The following CORIN variants were observed in gnomAD, a reference collection of about 807,000 sequenced individuals.
The protein encoded by CORIN is atrial natriuretic peptide-converting enzyme.
Under a neutral mutation model 125.3 loss-of-function variants are expected in CORIN, and 117 were observed. The ratio of observed to expected loss-of-function variants is 0.93; its 90% confidence interval spans 0.80 to 1.09. The LOEUF is 1.09. CORIN is among the 50% of genes least tolerant of loss of function. The probability of loss-of-function intolerance (pLI) is 0.00; values close to 1 mark genes in which losing one functional copy is unlikely to be tolerated. For synonymous variants in CORIN, 450 were observed against 466.4 expected (o/e 0.96, Z 0.45); for missense variants, 1,253 against 1,306.7 (o/e 0.96, Z 0.63).
chr4:47,683,636 C>T, intron 7 of CORIN, 95 bp downstream of exon 7: 1 of 834,542 alleles, frequency 1.2e-6, no homozygotes, highest in South Asian at 1.8e-5. Flanking sequence ...GTAATTTAAA[C>T]TGCTAATCAT....
intron 5 of CORIN, among the ~76,000 whole-genome samples, chr4:47,725,336 C>A (rs1049040939): frequency 1.3e-5 from 2 of 151,634 alleles, no homozygotes; most frequent in African/African-American, 2.4e-5. Context: ...TGAGACATAA[C>A]ACAGTGGAAA....
intron 5 of CORIN, among the ~76,000 whole-genome samples, chr4:47,714,174 AC>A (rs568758604): frequency 2.2e-4 from 34 of 152,348 alleles, no homozygotes; most frequent in South Asian, 1.0e-3. Context: ...TAAAAGAAAT[AC>A]AGTATTGTGC....
chr4:47,635,587 A>G (rs1722989556), intron 16 of CORIN, among the ~76,000 whole-genome samples: 1 of 152,192 alleles, frequency 6.6e-6, no homozygotes, highest in African/African-American at 2.4e-5. Context: ...GCAAGTGGAG[A>G]ATACTAGGAT....
At chr4:47,608,120 AGGCCAGCCT>A (rs1255352357) in intron 19 of CORIN, among the ~76,000 whole-genome samples, 1 of 152,136 alleles carries the variant, frequency 6.6e-6, no homozygotes, top group Admixed American at 6.5e-5. Flanking sequence ...CAGGAGTTCA[AGGCCAGCCT>A]GGCCAGCATG....
At chr4:47,810,316 T>C (rs1008824893) in intron 1 of CORIN, among the ~76,000 whole-genome samples, 3 of 152,050 alleles carry the variant, frequency 2.0e-5, no homozygotes, top group African/African-American at 7.2e-5. Context: ...GTCTTCTGAG[T>C]GACTGGGACA....
At chr4:47,672,133 A>G (rs12643755) in intron 10 of CORIN, among the ~76,000 whole-genome samples, 57,073 of 151,930 alleles carry the variant, frequency 0.38, 13,402 homozygotes, top group African/African-American at 0.65. Flanking sequence ...ATGTTCTCCC[A>G]CACTGAAAAG....
intron 2 of CORIN, among the ~76,000 whole-genome samples, chr4:47,795,290 A>G (rs978962991): frequency 3.3e-5 from 5 of 152,056 alleles, no homozygotes; most frequent in East Asian, 3.9e-4. Context: ...TGTGGCTCCA[A>G]ATGAATTTTA....
chr4:47,641,777 C>T lies in CORIN; in HGVS notation c.2198+143G>A, dbSNP rs1021006482. Reference sequence around the variant, plus strand: ...CAGGTGCCTATAATTAAATATGGTCCTCTCACCTGATTCATTTCCCGGGTT... The same window carrying T: ...CAGGTGCCTATAATTAAATATGGTCTTCTCACCTGATTCATTTCCCGGGTT... On this transcript the variant is annotated intron_variant, in intron 16 of 21. Coordinates refer to ENST00000273857, the MANE Select transcript of CORIN (RefSeq NM_006587.4). The T allele has an allele frequency of 1.4e-5, 13 of 934,192 alleles. No individual in the cohort carries two copies. In the Admixed American group the frequency reaches 2.5e-4, roughly 18 times the overall value. 57.9% of individuals were successfully genotyped at this position (934,192 alleles called of 1,614,324 possible). A position where few individuals can be genotyped will look rare whatever the true frequency, so the allele number is the denominator to read the frequency against.
Position 47,595,833 on chromosome 4 carries a change from C to T in CORIN, c.3017G>A (p.Trp1006Ter). 1 of 1,613,834 alleles carries T rather than the reference C, an allele frequency of 6.2e-7. No homozygotes were observed. The highest frequency in any genetic ancestry group is 8.5e-7 in the Non-Finnish European group (1 of 1,179,842). The change falls in exon 22 of 22, where the codon TGG becomes TAG. Residue 1006 changes from tryptophan (W) to a stop codon, truncating the protein, a stop_gained. Transcript: ENST00000273857. LOFTEE classifies it high-confidence loss of function. Reference protein sequence around the residue: ...GRWTLFGLTSWGSVCFSKVLG... With the variant: ...GRWTLFGLTS ...GACTTTGGAAAAGCAGACGGAGCCC[C>T]ATGAAGTTAATCCAAATAATGTCCA...
chr4:47,606,975 C>T (rs1422342831), intron 19 of CORIN, among the ~76,000 whole-genome samples: 1 of 152,168 alleles, frequency 6.6e-6, no homozygotes, highest in African/African-American at 2.4e-5. Flanking sequence ...CATCCACATG[C>T]TTAAATCATA....
intron 19 of CORIN, among the ~76,000 whole-genome samples, chr4:47,615,122 A>G (rs1194821963): frequency 1.3e-5 from 2 of 152,198 alleles, no homozygotes; most frequent in African/African-American, 4.8e-5. Context: ...CTGAGGCAGG[A>G]ATGAGCTTGG....
chr4:47,683,760 C>T lies in CORIN; in HGVS notation c.992G>A (p.Cys331Tyr). 1.2e-6 allele frequency: 2 copies of T among 1,613,648 alleles called. No homozygotes were observed. The highest frequency in any genetic ancestry group is 1.7e-6 in the Non-Finnish European group (2 of 1,179,706). ...GTTTTGCTCATCACTCAAATCCCCA[C>T]AGTCATCATATCCATCACACACAAG... is the stretch of plus-strand genomic sequence containing the variant. ...YSLVCDGYDD[C>Y]GDLSDEQNCD... The change falls in exon 7 of 22, where the codon TGT becomes TAT. Residue 331 changes from cysteine to tyrosine, a missense_variant. Physicochemically the swap from Cys to Tyr is radical, Grantham distance 194 (BLOSUM62 -2). Transcript: ENST00000273857.
chr4:47,597,364 AAAAG>A (rs1475665131), intron 21 of CORIN, among the ~76,000 whole-genome samples: 8 of 151,800 alleles, frequency 5.3e-5, no homozygotes, highest in African/African-American at 1.9e-4. Context: ...AAAAAAAAAA[AAAAG>A]AAGAAGAAAG....
chr4:47,682,937 C>T (rs1180169825), intron 7 of CORIN: 2 of 152,154 alleles, frequency 1.3e-5, no homozygotes, highest in African/African-American at 2.4e-5. Context: ...GATTCCAATG[C>T]CTTCCTCTGA....
At chr4:47,789,150 T>A (rs111422252) in intron 2 of CORIN, among the ~76,000 whole-genome samples, 1,844 of 151,564 alleles carry the variant, frequency 0.012, 52 homozygotes, top group African/African-American at 0.042. Flanking sequence ...AAATACAAAA[T>A]AAAATTAGCT....
chr4:47,738,190 G>A (rs1728218638), intron 5 of CORIN, among the ~76,000 whole-genome samples: 1 of 152,028 alleles, frequency 6.6e-6, no homozygotes, highest in Non-Finnish European at 1.5e-5. Context: ...ATATACCTAA[G>A]AAGGACCCAG....
At chr4:47,626,379 C>G (rs1484388361) in intron 17 of CORIN, 26 bp downstream of exon 17, 1 of 1,318,776 alleles carries the variant, frequency 7.6e-7, no homozygotes. Flanking sequence ...TCTGACTCTA[C>G]ACAGCTCTTA....
At chr4:47,631,413 C>A (rs1428092345) in intron 16 of CORIN, among the ~76,000 whole-genome samples, 1 of 151,938 alleles carries the variant, frequency 6.6e-6, no homozygotes, top group Non-Finnish European at 1.5e-5. Context: ...GAGTGTGAAT[C>A]CTATTGTGAA....
intron 5 of CORIN, among the ~76,000 whole-genome samples, chr4:47,742,071 A>C (rs760925266): frequency 2.6e-5 from 4 of 152,058 alleles, no homozygotes; most frequent in Non-Finnish European, 4.4e-5. Context: ...GAATGATCTC[A>C]GTAAAGCTGG....
Sources: allele counts gnomAD v4.1 joint callset (sites outside exome capture counted in the v4.1 genomes callset), GRCh38; gene constraint gnomAD v4.1.1; transcripts MANE v1.5; gene names NCBI Gene and HGNC (gene_info 2026-07-23, HGNC 2026-07-21).